The following CUX2 variants were observed in gnomAD, a reference collection of about 807,000 sequenced individuals.
CUX2 encodes cut like homeobox 2.
In CUX2, 40 loss-of-function variants were observed where a neutral mutation model predicts 144.8. That is an observed-to-expected ratio of 0.28 (90% CI 0.21 to 0.36). CUX2 has a LOEUF of 0.36. Ranked by LOEUF, CUX2 falls within the 10% of genes least tolerant of loss-of-function variation. CUX2 has a pLI of 1.00. For synonymous variants in CUX2, 827 were observed against 875.6 expected (o/e 0.94, Z 0.98); for missense variants, 1,615 against 1,994.0 (o/e 0.81, Z 3.62).
chr12:111,269,323 G>A (rs931738070), intron 4 of CUX2, among the ~76,000 whole-genome samples: 3 of 152,118 alleles, frequency 2.0e-5, no homozygotes, highest in Admixed American at 6.5e-5. Flanking sequence ...AGCAAAAACG[G>A]GAGGAAAGGT....
Position 111,295,437 on chromosome 12 carries a change from G to A in CUX2, c.637+28G>A, listed in dbSNP as rs1295993474. On this transcript the variant is annotated intron_variant, in intron 7 of 21. Transcript: ENST00000261726. This position sits in a 1 kb window ranked among gnomAD's most constrained non-coding sequence, Gnocchi z 5.0. ...ATGTGTCGGCACCATGTGGCCTAGA[G>A]GGAGGACTGGGAGGGGACGGTAATG... 3 of 1,586,820 alleles carry A rather than the reference G, an allele frequency of 1.9e-6. No individual in the cohort carries two copies. Among genetic ancestry groups the A allele is most frequent in the Non-Finnish European group, 2.6e-6 (3 of 1,162,346 alleles).
chr12:111,253,287 C>T (rs1883656237), intron 3 of CUX2, among the ~76,000 whole-genome samples: 1 of 150,906 alleles, frequency 6.6e-6, no homozygotes, highest in Non-Finnish European at 1.5e-5. Flanking sequence ...TCGCAGTGAC[C>T]CCCAGGGCTC....
chr12:111,347,723 C>A lies in CUX2; in HGVS notation c.3859C>A (p.Pro1287Thr), dbSNP rs1350236149. Residue 1287 changes from proline to threonine, a missense_variant, in exon 22 of 22, where the codon CCC (proline) becomes ACC (threonine). Transcript: ENST00000261726. ...GGAGGGCCCTGAGGAGAACAGCACACCCCTGACCACCCAGGACAAGGCCCA... is the reference window on the plus strand; with the variant it reads ...GGAGGGCCCTGAGGAGAACAGCACAACCCTGACCACCCAGGACAAGGCCCA... The part of the protein sequence containing the change: ...LQEGPEENST[P>T]LTTQDKAQVR... 3 of 1,613,598 alleles carry A rather than the reference C, an allele frequency of 1.9e-6. No homozygotes were observed. Among genetic ancestry groups the A allele is most frequent in the African/African-American group, 1.3e-5 (1 of 74,782 alleles).
rs775442179 is a variant in CUX2 at position 111,307,286 on chromosome 12, C to T, written c.1109+29C>T. The T allele has an allele frequency of 8.1e-6, 13 of 1,601,244 alleles. No individual in the cohort carries two copies. In the Admixed American group the frequency reaches 2.2e-4, roughly 27 times the overall value. On this transcript the variant is annotated intron_variant, in intron 12 of 21. Transcript: ENST00000261726. This position sits in a 1 kb window ranked among gnomAD's most constrained non-coding sequence, Gnocchi z 4.1. ...CCATGTGGGGTGGGGCTCCACAGAC[C>T]CTCAGTGCTCTTCCCTGGCCAGGAG...
chr12:111,162,987 A>G (rs1877879064), intron 1 of CUX2, among the ~76,000 whole-genome samples: 1 of 151,198 alleles, frequency 6.6e-6, no homozygotes, highest in South Asian at 2.1e-4. Context: ...CCGAGTTTGC[A>G]GTGAGCCGAG....
At chr12:111,204,065 C>T (rs117720052) in intron 1 of CUX2, among the ~76,000 whole-genome samples, 4,097 of 152,302 alleles carry the variant, frequency 0.027, 79 homozygotes, top group Middle Eastern at 0.075. Context: ...CCCTGCAGTC[C>T]ACCAGCCTGT....
intron 1 of CUX2, among the ~76,000 whole-genome samples, chr12:111,089,027 T>C (rs947431529): frequency 1.3e-5 from 2 of 152,020 alleles, no homozygotes; most frequent in East Asian, 3.9e-4. Context: ...TGGTGTGCAG[T>C]GTTGGGTGGT....
chr12:111,133,579 C>G (rs1252626816), intron 1 of CUX2, among the ~76,000 whole-genome samples: 1 of 152,198 alleles, frequency 6.6e-6, no homozygotes, highest in Non-Finnish European at 1.5e-5. Flanking sequence ...GTCCCTCCCA[C>G]AACACGTGGG....
intron 1 of CUX2, among the ~76,000 whole-genome samples, chr12:111,040,904 G>A (rs542706890): frequency 6.6e-6 from 1 of 152,352 alleles, no homozygotes; most frequent in South Asian, 2.1e-4. Flanking sequence ...CCTGAGAGCT[G>A]TAGTTTGCCT....
At chr12:111,130,321 C>T (rs375319549) in intron 1 of CUX2, among the ~76,000 whole-genome samples, 5 of 152,174 alleles carry the variant, frequency 3.3e-5, no homozygotes, top group Non-Finnish European at 5.9e-5. Context: ...ACTGCTCATA[C>T]AGATCAAGTA....
At chr12:111,313,410 C>A (rs187225789) in intron 16 of CUX2, among the ~76,000 whole-genome samples, 2 of 150,574 alleles carry the variant, frequency 1.3e-5, no homozygotes, top group Non-Finnish European at 3.0e-5. Flanking sequence ...GAGGCCGAGG[C>A]GGGCGGATCA....
At chr12:111,176,201 A>G (rs191374433) in intron 1 of CUX2, among the ~76,000 whole-genome samples, 101 of 151,484 alleles carry the variant, frequency 6.7e-4, no homozygotes, top group Admixed American at 4.1e-3. Context: ...ACAGGTGTGC[A>G]CCACACCTAA....
At chr12:111,283,647 G>A (rs1236156716) in intron 4 of CUX2, among the ~76,000 whole-genome samples, 1 of 152,148 alleles carries the variant, frequency 6.6e-6, no homozygotes, top group African/African-American at 2.4e-5. Context: ...TGATGTTACA[G>A]CCAGGGTTTG....
intron 16 of CUX2, among the ~76,000 whole-genome samples, chr12:111,315,236 G>A (rs1275973116): frequency 1.3e-5 from 2 of 152,286 alleles, no homozygotes; most frequent in Admixed American, 6.5e-5. Flanking sequence ...TTCTACTTCT[G>A]GGATTGGAAG....
intron 1 of CUX2, among the ~76,000 whole-genome samples, chr12:111,155,163 G>A (rs1425649920): frequency 6.6e-6 from 1 of 152,150 alleles, no homozygotes; most frequent in Non-Finnish European, 1.5e-5. Context: ...TGACAACCTG[G>A]CCTGGCATCC....
intron 3 of CUX2, among the ~76,000 whole-genome samples, chr12:111,251,274 T>G (rs1405702969): frequency 6.6e-6 from 1 of 152,146 alleles, no homozygotes; most frequent in East Asian, 1.9e-4. Context: ...GCAATTTAAA[T>G]GCAGTCTTAC....
chr12:111,304,450 T>TGTGTGG lies in CUX2; in HGVS notation c.858+139_858+144dup. On this transcript the variant is annotated intron_variant, in intron 10 of 21. Coordinates refer to ENST00000261726, the MANE Select transcript of CUX2 (RefSeq NM_015267.4). The surrounding 1 kb of genome is among the most constrained non-coding windows in gnomAD (Gnocchi z 4.7). The stretch of plus-strand genomic sequence containing the variant: ...CCATTTGAAACTGGGAGTGTGAATG[T>TGTGTGG]GTGTGGGTCTCTGTGCATACGGTGA... The TGTGTGG allele has an allele frequency of 2.9e-6, 2 of 690,220 alleles. No individual in the cohort carries two copies. Among genetic ancestry groups the TGTGTGG allele is most frequent in the Non-Finnish European group, 5.1e-6 (2 of 391,322 alleles). 42.8% of individuals were successfully genotyped at this position (690,220 alleles called of 1,614,324 possible).
intron 21 of CUX2, among the ~76,000 whole-genome samples, chr12:111,342,566 G>A (rs1241383341): frequency 6.6e-6 from 1 of 152,140 alleles, no homozygotes; most frequent in East Asian, 1.9e-4. Flanking sequence ...ACTTCCCTGA[G>A]CCTCAGTCTT....
At position 111,307,383 on chromosome 12, in the gene CUX2, G is replaced by T. The variant is rs1394092554; in HGVS notation, c.1109+126G>T. ...TGTTCTTCTCTCCACTAACACTGTG[G>T]ATATCAAACCTTAACCATCCTCAGG... On this transcript the variant is annotated intron_variant, in intron 12 of 21. Transcript: ENST00000261726. The surrounding 1 kb of genome is among the most constrained non-coding windows in gnomAD (Gnocchi z 4.1). The T allele has an allele frequency of 7.1e-6, 6 of 843,896 alleles. No homozygotes were observed. Among genetic ancestry groups the T allele is most frequent in the East Asian group, 2.6e-5 (1 of 38,292 alleles). The allele number at this position is 843,896 out of a possible 1,614,324, so 52.3% of individuals were successfully genotyped here.
Sources: allele counts gnomAD v4.1 joint callset (sites outside exome capture counted in the v4.1 genomes callset), GRCh38; gene constraint gnomAD v4.1.1; non-coding constraint Gnocchi (gnomAD v3.1); transcripts MANE v1.5; gene names NCBI Gene and HGNC (gene_info 2026-07-23, HGNC 2026-07-21).